Variants in NR6A1 observed in about 807,000 individuals in gnomAD.
NR6A1 encodes retinoic acid receptor-related testis-associated receptor.
In NR6A1, 7 loss-of-function variants were observed where a neutral mutation model predicts 59.1. That is an observed-to-expected ratio of 0.12 (90% CI 0.07 to 0.22). The LOEUF (loss-of-function observed/expected upper bound fraction) is 0.22. Among genes scored for constraint, NR6A1 ranks in the 10% least tolerant of loss-of-function variants. The pLI is 1.00. For synonymous variants in NR6A1, 243 were observed against 236.1 expected, an observed-to-expected ratio of 1.03 and a Z score of -0.27; for missense variants, 468 against 611.6, an observed-to-expected ratio of 0.77 and a Z score of 2.48.
chr9:124,598,827 C>T, intron 2 of NR6A1: 1 of 776,168 alleles, frequency 1.3e-6, no homozygotes. Context: ...TTTTCTCTCT[C>T]TCCAATCTCT....
At chr9:124,588,880 A>G (rs899594685) in intron 2 of NR6A1, among the ~76,000 whole-genome samples, 1 of 148,410 alleles carries the variant, frequency 6.7e-6, no homozygotes, top group Non-Finnish European at 1.5e-5. Flanking sequence ...AGATCGTGCC[A>G]CTGCACTCCA....
At chr9:124,745,667 G>T (rs1840308553) in intron 1 of NR6A1, among the ~76,000 whole-genome samples, 1 of 104,296 alleles carries the variant, frequency 9.6e-6, no homozygotes, top group Admixed American at 1.2e-4. Context: ...GTGAAACTCT[G>T]TCTTAAAAAA....
chr9:124,588,163 T>C (rs981054607), intron 2 of NR6A1, among the ~76,000 whole-genome samples: 5 of 152,212 alleles, frequency 3.3e-5, no homozygotes, highest in African/African-American at 1.2e-4. Flanking sequence ...CTTTCCATAC[T>C]AAAACTATTC....
chr9:124,609,820 T>G (rs1425187301), intron 2 of NR6A1, among the ~76,000 whole-genome samples: 3 of 152,210 alleles, frequency 2.0e-5, no homozygotes, highest in East Asian at 3.8e-4. Flanking sequence ...GAAGAGGTCC[T>G]TCACTTCCCT....
intron 2 of NR6A1, among the ~76,000 whole-genome samples, chr9:124,666,150 G>C (rs1337939395): frequency 6.6e-6 from 1 of 151,950 alleles, no homozygotes; most frequent in African/African-American, 2.4e-5. Flanking sequence ...TCAAAGTCAA[G>C]TGGAAAAGAG....
At chr9:124,735,843 T>G (rs1240351517) in intron 1 of NR6A1, among the ~76,000 whole-genome samples, 1 of 152,224 alleles carries the variant, frequency 6.6e-6, no homozygotes, top group Non-Finnish European at 1.5e-5. Flanking sequence ...AGATGGTACC[T>G]TATCACTGTT....
intron 1 of NR6A1, among the ~76,000 whole-genome samples, chr9:124,755,643 G>T (rs1349200178): frequency 6.6e-6 from 1 of 152,114 alleles, no homozygotes; most frequent in Non-Finnish European, 1.5e-5. Flanking sequence ...GTACTTCAAG[G>T]CTCTCTAAAC....
At chr9:124,615,808 C>G (rs962512926) in intron 2 of NR6A1, among the ~76,000 whole-genome samples, 2 of 152,058 alleles carry the variant, frequency 1.3e-5, no homozygotes, top group African/African-American at 4.8e-5. Context: ...CCACTTAGTA[C>G]TTGTACAATC....
chr9:124,761,763 T>C (rs1431815901), intron 1 of NR6A1, among the ~76,000 whole-genome samples: 3 of 152,344 alleles, frequency 2.0e-5, no homozygotes, highest in East Asian at 1.9e-4. Context: ...TGTTCATTAT[T>C]CTATAGCAAT....
At chr9:124,617,812 C>T (rs1038327935) in intron 2 of NR6A1, among the ~76,000 whole-genome samples, 10 of 152,122 alleles carry the variant, frequency 6.6e-5, no homozygotes, top group African/African-American at 2.4e-4. Flanking sequence ...GTATGGCAGA[C>T]CCTCGTACCT....
At chr9:124,580,712 C>G (rs2131457660) in intron 2 of NR6A1, among the ~76,000 whole-genome samples, 2 of 152,006 alleles carry the variant, frequency 1.3e-5, no homozygotes, top group South Asian at 4.2e-4. Context: ...CCCAGTTACT[C>G]AGGGGGCTAA....
At chr9:124,617,487 G>T (rs1049739356) in intron 2 of NR6A1, among the ~76,000 whole-genome samples, 2 of 152,182 alleles carry the variant, frequency 1.3e-5, no homozygotes, top group Non-Finnish European at 2.9e-5. Flanking sequence ...ATGCTACAGG[G>T]AAAGTTTCTG....
chr9:124,716,567 T>C (rs1839422171), intron 2 of NR6A1, among the ~76,000 whole-genome samples: 1 of 152,022 alleles, frequency 6.6e-6, no homozygotes, highest in African/African-American at 2.4e-5. Flanking sequence ...CGGACTTATA[T>C]GTTATATGTA....
intron 1 of NR6A1, among the ~76,000 whole-genome samples, chr9:124,749,344 C>T (rs368277627): frequency 1.3e-5 from 2 of 151,956 alleles, no homozygotes; most frequent in Non-Finnish European, 2.9e-5. Context: ...GAAAAGACTT[C>T]TTAATTTAAA....
intron 2 of NR6A1, among the ~76,000 whole-genome samples, chr9:124,673,816 G>T (rs552357631): frequency 2.0e-5 from 3 of 152,222 alleles, no homozygotes; most frequent in Non-Finnish European, 4.4e-5. Context: ...AAGAAGATAA[G>T]CAAGGGCAAT....
intron 2 of NR6A1, among the ~76,000 whole-genome samples, chr9:124,576,874 T>G (rs548487871): frequency 2.0e-5 from 3 of 152,016 alleles, no homozygotes; most frequent in Admixed American, 2.0e-4. Context: ...TTGGGCAACA[T>G]AGGGAGACGC....
chr9:124,597,508 A>G (rs1253437708), intron 2 of NR6A1, among the ~76,000 whole-genome samples: 1 of 152,236 alleles, frequency 6.6e-6, no homozygotes, highest in African/African-American at 2.4e-5. Context: ...ACAGAGGTGT[A>G]GTAAGCCTCT....
At chr9:124,675,001 G>T (rs1176964664) in intron 2 of NR6A1, among the ~76,000 whole-genome samples, 1 of 152,158 alleles carries the variant, frequency 6.6e-6, no homozygotes, top group Non-Finnish European at 1.5e-5. Flanking sequence ...TTTAAGTGAA[G>T]AAAACATCTC....
chr9:124,566,831 G>A (rs998846312), intron 2 of NR6A1, among the ~76,000 whole-genome samples: 1 of 152,214 alleles, frequency 6.6e-6, no homozygotes, highest in Non-Finnish European at 1.5e-5. Context: ...AGGACAGGCC[G>A]GGCGCGGTGG....
Sources: gnomAD v4.1 joint callset for allele counts (sites outside exome capture counted in the v4.1 genomes callset) on GRCh38, gnomAD v4.1.1 for gene constraint, MANE v1.5 for transcripts, NCBI Gene and HGNC (gene_info 2026-07-23, HGNC 2026-07-21) for gene names.